VPS13C: variants seen among roughly 807,000 people sequenced by gnomAD.
VPS13C encodes the protein vacuolar protein sorting 13 homolog C, also known as intermembrane lipid transfer protein VPS13C.
A neutral mutation model predicts 456.8 loss-of-function variants in VPS13C; 358 were observed. The ratio of observed to expected loss-of-function variants is 0.78; its 90% CI spans 0.72 to 0.86. VPS13C has a LOEUF of 0.86. Among genes scored for constraint, VPS13C ranks in the 40% least tolerant of loss-of-function variants. The pLI, the probability that VPS13C is intolerant of heterozygous loss-of-function variation, is 0.00. For missense variants in VPS13C, 4,818 were observed against 4,385.4 expected (o/e 1.10, Z -2.79); for synonymous variants, 1,578 against 1,486.7 (o/e 1.06, Z -1.41).
At chr15:61,919,989 G>GT in intron 57 of VPS13C, 78 bp downstream of exon 57, 1 of 1,334,712 alleles carries the variant, frequency 7.5e-7, no homozygotes, top group Non-Finnish European at 9.9e-7. Flanking sequence ...GCAGCAAAAT[G>GT]TTTTTTCACA....
intron 15 of VPS13C, among the ~76,000 whole-genome samples, chr15:62,001,805 G>C (rs2140463997): frequency 6.6e-6 from 1 of 152,292 alleles, no homozygotes; most frequent in East Asian, 1.9e-4. Context: ...TACTGAGAAT[G>C]ATGATTTCCA....
At chr15:61,931,819 A>G (rs1287534118) in intron 49 of VPS13C, among the ~76,000 whole-genome samples, 1 of 151,826 alleles carries the variant, frequency 6.6e-6, no homozygotes, top group Non-Finnish European at 1.5e-5. Flanking sequence ...TGACCTCATG[A>G]TCCGCCCACC....
At chr15:61,899,233 A>C (rs1409348142) in intron 66 of VPS13C, among the ~76,000 whole-genome samples, 1 of 95,822 alleles carries the variant, frequency 1.0e-5, no homozygotes, top group Non-Finnish European at 2.1e-5. Flanking sequence ...AGCTAGCAGA[A>C]GGCAAGAAAT....
At chr15:61,997,986 G>A (rs2046449162) in intron 16 of VPS13C, among the ~76,000 whole-genome samples, 1 of 152,074 alleles carries the variant, frequency 6.6e-6, no homozygotes, top group South Asian at 2.1e-4. Flanking sequence ...CTTGTAAGAT[G>A]CTACACAATC....
At chr15:61,959,007 G>A (rs1284002110) in intron 36 of VPS13C, among the ~76,000 whole-genome samples, 1 of 151,896 alleles carries the variant, frequency 6.6e-6, no homozygotes, top group Non-Finnish European at 1.5e-5. Context: ...AAAGAAATCT[G>A]ACCTTTTCTA....
rs563795088 is a variant in VPS13C, at chr15:61,934,282, A to C, written c.5805T>G (p.Ser1935Arg). The C allele has an allele frequency of 6.3e-7, 1 of 1,597,952 alleles. No homozygotes were observed. The highest frequency in any genetic ancestry group is 8.5e-7 in the Non-Finnish European group (1 of 1,171,142). ...ATTCAAAGTGAAAGTCAAATTGGAGACTGACAATCTGGTTCATAGAGAGCT... is the reference window on the plus strand; with the variant it reads ...ATTCAAAGTGAAAGTCAAATTGGAGCCTGACAATCTGGTTCATAGAGAGCT... Reference protein sequence around the residue: ...DSKLSMNQIVSLQFDFHFESL... With the variant: ...DSKLSMNQIVRLQFDFHFESL... The change falls in exon 49 of 85, where the codon AGT becomes AGG. Residue 1935 changes from serine to arginine, a missense_variant. This residue lies in a region of VPS13C where 4,552 missense variants were observed against 4,130.6 expected (regional missense o/e 1.10). Transcript: ENST00000644861.
chr15:61,860,953 C>CTTTTT (rs781045840), intron 82 of VPS13C, among the ~76,000 whole-genome samples: 9 of 89,696 alleles, frequency 1.0e-4, no homozygotes, highest in East Asian at 4.0e-4. Context: ...TATTTTCTTT[C>CTTTTT]TTTTTTTTTT....
At chr15:61,958,176 CT>C (rs1336494429) in intron 37 of VPS13C, among the ~76,000 whole-genome samples, 1 of 151,968 alleles carries the variant, frequency 6.6e-6, no homozygotes, top group Non-Finnish European at 1.5e-5. Flanking sequence ...GCTGTATAAT[CT>C]TTTCATTATC....
intron 55 of VPS13C, among the ~76,000 whole-genome samples, 176 bp from the exon 56 acceptor site, chr15:61,920,823 T>A (rs1006999826): frequency 1.3e-5 from 2 of 152,140 alleles, no homozygotes; most frequent in African/African-American, 4.8e-5. Context: ...ATTCATTCTT[T>A]CAGGGTATAG....
At position 61,909,085 on chromosome 15, in the gene VPS13C, G is replaced by T; in HGVS notation, c.8885C>A (p.Ser2962Ter). 6.2e-7 allele frequency: 1 copy of T among 1,613,610 alleles called. No homozygotes were observed. The change falls in exon 65 of 85, where the codon TCA becomes TAA. Residue 2962 changes from serine (S) to a stop codon, truncating the protein, a stop_gained. Transcript: ENST00000644861. LOFTEE classifies it high-confidence loss of function. ...GTAATCAGAAAAAGTTATGACAGTT[G>T]AATGTTCGGCAGTGTTTACATCCAC... The part of the protein sequence containing the change: ...ILVDVNTAEH[S>*]TVITFSDYHE...
chr15:61,962,390 T>G lies in VPS13C; in HGVS notation c.3584A>C (p.Lys1195Thr), dbSNP rs147306617. The change falls in exon 34 of 85, where the codon AAA (lysine) becomes ACA (threonine). Residue 1195 changes from lysine to threonine, a missense_variant. Lys to Thr is a moderately conservative substitution (Grantham distance 78, BLOSUM62 -1). Transcript: ENST00000644861. The part of the protein sequence containing the change: ...VGCIQIVYLH[K>T]FLMSLLNFLN... Reference sequence around the variant, plus strand: ...TTTTACCAGAAGTGACATAAGGAATTTATGAAGATAGACAATCTGAATACA... The same window carrying G: ...TTTTACCAGAAGTGACATAAGGAATGTATGAAGATAGACAATCTGAATACA... 1,602 of 1,587,682 alleles carry G rather than the reference T, an allele frequency of 1.0e-3. 27 individuals are homozygous for G. In the Admixed American group the frequency reaches 0.026, roughly 26 times the overall value.
At chr15:62,037,221 TA>T (rs1312182994) in intron 3 of VPS13C, among the ~76,000 whole-genome samples, 39 of 89,010 alleles carry the variant, frequency 4.4e-4, no homozygotes, top group African/African-American at 1.4e-3. Context: ...ATATATTATA[TA>T]ATATATTATA....
intron 2 of VPS13C, among the ~76,000 whole-genome samples, chr15:62,042,373 A>G (rs1394215416): frequency 6.6e-6 from 1 of 152,170 alleles, no homozygotes; most frequent in Non-Finnish European, 1.5e-5. Context: ...TTACTATATA[A>G]TAACACTATA....
At position 61,991,825 on chromosome 15, in the gene VPS13C, T is replaced by C. The variant is rs763564962; in HGVS notation, c.1354-23A>G. 8 of 1,605,506 alleles carry C rather than the reference T, an allele frequency of 5.0e-6. No individual in the cohort carries two copies. The Admixed American group carries it at 1.2e-4, about 24-fold the overall frequency. ...CACCTGAAAAATAAAAATTAAAAAATTTACTTTAAGAATGTTGCCCTCTTC... is the reference window on the plus strand; with the variant it reads ...CACCTGAAAAATAAAAATTAAAAAACTTACTTTAAGAATGTTGCCCTCTTC... On this transcript the variant is annotated intron_variant, in intron 16 of 84. Transcript: ENST00000644861.
At position 62,035,026 on chromosome 15, in the gene VPS13C, T is replaced by C; in HGVS notation, c.214A>G (p.Lys72Glu). 1 of 1,607,646 alleles carries C rather than the reference T, an allele frequency of 6.2e-7. No homozygotes were observed. The highest frequency in any genetic ancestry group is 8.5e-7 in the Non-Finnish European group (1 of 1,176,158). ...ACAACTGCTTCTCCATAAAGGTTCTTCCAAGGAATCTTCAAAGTTAATTTA... is the reference window on the plus strand; with the variant it reads ...ACAACTGCTTCTCCATAAAGGTTCTCCCAAGGAATCTTCAAAGTTAATTTA... ...IDKLTLKIPWKNLYGEAVVAT... is the reference protein window; with the variant it reads ...IDKLTLKIPWENLYGEAVVAT... Residue 72 changes from lysine (K) to glutamate (E), a missense_variant, in exon 4 of 85, where the codon AAG becomes GAG. Physicochemically the swap from Lys to Glu is moderately conservative, Grantham distance 56. Coordinates refer to ENST00000644861, the MANE Select transcript of VPS13C (RefSeq NM_020821.3).
chr15:62,007,564 C>T, intron 14 of VPS13C, 85 bp from the exon 15 acceptor site: 5 of 1,222,986 alleles, frequency 4.1e-6, no homozygotes, highest in Middle Eastern at 2.7e-4. Flanking sequence ...AGATCTTATG[C>T]TGTCAAATTT....
At position 61,984,962 on chromosome 15, in the gene VPS13C, G is replaced by A; in HGVS notation, c.1616C>T (p.Thr539Ile). The A allele has an allele frequency of 1.2e-6, 2 of 1,602,510 alleles. No homozygotes were observed. The highest frequency in any genetic ancestry group is 1.7e-6 in the Non-Finnish European group (2 of 1,175,734). ...CTTGTTTTCTCTTATCGTAACAGAG[G>A]TGCTTACTAACTTCAGGGTCATAAT... ...AHIMTLKLVS[T>I]SVTIRENKNI... The change falls in exon 19 of 85, where the codon ACC (threonine) becomes ATC (isoleucine). Residue 539 changes from threonine (T) to isoleucine (I), a missense_variant. By Grantham distance (89) the Thr-to-Ile change is moderately conservative. Around this residue, in one of 3 missense-constraint regions of VPS13C, gnomAD observed 4,552 missense variants for 4,130.6 expected, o/e 1.10. Transcript: ENST00000644861.
rs899879740 is a variant in VPS13C, at chr15:62,012,986, C to A, written c.825+53G>T. 2.8e-6 allele frequency: 4 copies of A among 1,426,366 alleles called. No individual in the cohort carries two copies. The South Asian group carries it at 3.8e-5, about 13-fold the overall frequency. The allele number at this position is 1,426,366 out of a possible 1,614,324, so 88.4% of individuals were successfully genotyped here. On this transcript the variant is annotated intron_variant, in intron 11 of 84. Transcript: ENST00000644861. ...CTCATGAAGGCCCTCTTATATTAAA[C>A]AAATTTAGGGATGGGAGTGAAGTTA... is the stretch of plus-strand genomic sequence containing the variant.
intron 5 of VPS13C, 104 bp from the exon 6 acceptor site, chr15:62,028,524 T>C: frequency 8.7e-7 from 1 of 1,145,932 alleles, no homozygotes; most frequent in South Asian, 1.4e-5. Context: ...TAATTAGAAA[T>C]CATGTAACAG....
Sources: allele counts gnomAD v4.1 joint callset (sites outside exome capture counted in the v4.1 genomes callset), GRCh38; gene constraint gnomAD v4.1.1; regional missense constraint gnomAD v4.1.1; transcripts MANE v1.5; gene names NCBI Gene and HGNC (gene_info 2026-07-23, HGNC 2026-07-21).